Variants in MPPED1 observed in about 807,000 individuals in gnomAD.
MPPED1 encodes metallophosphoesterase domain-containing protein 1.
MPPED1 carries 16 observed loss-of-function variants against 36.2 expected under a neutral mutation model. That is an observed-to-expected ratio of 0.44 (90% CI 0.30 to 0.67). MPPED1 has a LOEUF of 0.67. MPPED1 is among the 30% of genes least tolerant of loss of function. The pLI is 0.10. For missense variants in MPPED1, 307 were observed against 453.4 expected (o/e 0.68, Z 2.93); for synonymous variants, 199 against 191.3 (o/e 1.04, Z -0.33).
chr22:43,495,230 G>GTGGAGGTGGTGGTGGTGA (rs1173793487), intron 4 of MPPED1, among the ~76,000 whole-genome samples: 1 of 149,590 alleles, frequency 6.7e-6, no homozygotes, highest in Non-Finnish European at 1.5e-5. Flanking sequence ...GGTGGTGGTG[G>GTGGAGGTGGTGGTGGTGA]TGGAGGTGGT....
intron 1 of MPPED1, among the ~76,000 whole-genome samples, chr22:43,423,273 G>A (rs553848662): frequency 9.9e-5 from 15 of 152,182 alleles, no homozygotes; most frequent in East Asian, 1.9e-4. Context: ...AGTATGCGGC[G>A]TCCTGAAACT....
intron 3 of MPPED1, among the ~76,000 whole-genome samples, chr22:43,439,869 C>T (rs1048755072): frequency 2.0e-5 from 3 of 152,230 alleles, no homozygotes; most frequent in Non-Finnish European, 2.9e-5. Context: ...CCGGGGCCCA[C>T]GCTCCACTCA....
At chr22:43,424,771 T>C in intron 1 of MPPED1, 137 bp from the exon 2 acceptor site, 1 of 1,182,834 alleles carries the variant, frequency 8.5e-7, no homozygotes, top group Non-Finnish European at 1.1e-6. Context: ...AGATTTGTAA[T>C]GAGTTTTTGA....
At chr22:43,468,938 C>A (rs1419073648) in intron 3 of MPPED1, among the ~76,000 whole-genome samples, 2 of 152,256 alleles carry the variant, frequency 1.3e-5, no homozygotes, top group African/African-American at 4.8e-5. Flanking sequence ...TGAGACTTAC[C>A]AAGGCAAGCA....
chr22:43,422,022 G>C (rs1009429045), intron 1 of MPPED1, among the ~76,000 whole-genome samples: 6 of 152,158 alleles, frequency 3.9e-5, no homozygotes, highest in African/African-American at 1.4e-4. Context: ...CTGACACATG[G>C]GGTGCACAAG....
intron 3 of MPPED1, among the ~76,000 whole-genome samples, chr22:43,458,643 T>C (rs1390577057): frequency 6.6e-6 from 1 of 152,352 alleles, no homozygotes; most frequent in South Asian, 2.1e-4. Flanking sequence ...TATTTCTTCA[T>C]ATGGATTTCA....
chr22:43,447,326 T>G (rs748116835), intron 3 of MPPED1, among the ~76,000 whole-genome samples: 1 of 152,166 alleles, frequency 6.6e-6, no homozygotes, highest in Non-Finnish European at 1.5e-5. Flanking sequence ...AACAAGCCTG[T>G]AGATTTTTTA....
chr22:43,429,391 G>A (rs770757355), intron 2 of MPPED1, among the ~76,000 whole-genome samples: 6 of 152,242 alleles, frequency 3.9e-5, no homozygotes, highest in African/African-American at 1.4e-4. Flanking sequence ...CTCTCATCCT[G>A]TCCTGCTGGG....
intron 3 of MPPED1, among the ~76,000 whole-genome samples, chr22:43,444,995 A>G (rs1299148877): frequency 6.6e-6 from 1 of 152,158 alleles, no homozygotes; most frequent in Non-Finnish European, 1.5e-5. Context: ...GAATTCCAGT[A>G]CCCAGTGCTA....
chr22:43,481,197 T>C (rs1931738002), intron 4 of MPPED1, among the ~76,000 whole-genome samples: 1 of 152,176 alleles, frequency 6.6e-6, no homozygotes, highest in Non-Finnish European at 1.5e-5. Flanking sequence ...CTGGAAATGA[T>C]TGTGTTGATG....
At chr22:43,452,591 A>T (rs1416014135) in intron 3 of MPPED1, among the ~76,000 whole-genome samples, 2 of 152,142 alleles carry the variant, frequency 1.3e-5, no homozygotes, top group African/African-American at 4.8e-5. Flanking sequence ...TAACATTCAA[A>T]ATGTTTATTT....
chr22:43,442,831 C>T (rs1369382526), intron 3 of MPPED1, among the ~76,000 whole-genome samples: 2 of 152,184 alleles, frequency 1.3e-5, no homozygotes, highest in African/African-American at 4.8e-5. Context: ...ACTTAGGGCC[C>T]TGCCGGTTCA....
chr22:43,412,024 T>A lies in MPPED1; in HGVS notation c.-213T>A. The A allele has an allele frequency of 1.0e-6, 1 of 977,652 alleles. No homozygotes were observed. The highest frequency in any genetic ancestry group is 1.2e-6 in the Non-Finnish European group (1 of 827,094). The allele number at this position is 977,652 out of a possible 1,614,324, so 60.6% of individuals were successfully genotyped here. On this transcript the variant is annotated 5_prime_UTR_variant, in exon 1 of 7. Coordinates refer to ENST00000443721, the MANE Select transcript of MPPED1 (RefSeq NM_001044370.2). ...AGGAGTCTGGCTCCCACTTGCAGCC[T>A]CGGACGCGCGGCGAGGCGGCCGCCG... is the stretch of plus-strand genomic sequence containing the variant.
chr22:43,442,095 G>A (rs568848572), intron 3 of MPPED1, among the ~76,000 whole-genome samples: 13 of 151,834 alleles, frequency 8.6e-5, no homozygotes, highest in Non-Finnish European at 1.9e-4. Flanking sequence ...GCTGGTGGTT[G>A]ACCCCCCTCC....
chr22:43,483,068 G>C (rs1166921089), intron 4 of MPPED1, among the ~76,000 whole-genome samples: 1 of 152,256 alleles, frequency 6.6e-6, no homozygotes, highest in Admixed American at 6.5e-5. Context: ...CAGCAGGGAA[G>C]TGTCTTGTGT....
rs939442500 is a variant in MPPED1, at chr22:43,421,496, A to G, written c.-78-3412A>G. ...TAGCGCCTGCTCCTCTGGGGCAAAG[A>G]CGGGTGGGGGCCCCTGGAACCCCTT... On this transcript the variant is annotated intron_variant, in intron 1 of 6. Transcript: ENST00000443721. Among the ~76,000 whole-genome samples, 7 of 152,310 alleles carry G rather than the reference A, an allele frequency of 4.6e-5. No homozygotes were observed. The East Asian group carries it at 1.4e-3, about 29-fold the overall frequency.
At chr22:43,498,130 C>A (rs557131135) in intron 4 of MPPED1, 105 bp from the exon 5 acceptor site, 3 of 802,240 alleles carry the variant, frequency 3.7e-6, no homozygotes, top group Non-Finnish European at 5.8e-6. Context: ...CTCCAGGTAG[C>A]GAGCTGGTCC....
chr22:43,499,278 GGGGTGGT>G, intron 5 of MPPED1, among the ~76,000 whole-genome samples: 1 of 145,804 alleles, frequency 6.9e-6, no homozygotes, highest in East Asian at 2.1e-4. Flanking sequence ...GATGGTGATG[GGGGTGGT>G]GATGGATGTG....
chr22:43,426,625 G>A (rs916924928), intron 2 of MPPED1, among the ~76,000 whole-genome samples: 4 of 152,140 alleles, frequency 2.6e-5, no homozygotes, highest in South Asian at 4.1e-4. Flanking sequence ...GTGTGAGGGC[G>A]CGACCTCCCG....
Sources: gnomAD v4.1 joint callset for allele counts (sites outside exome capture counted in the v4.1 genomes callset) on GRCh38, gnomAD v4.1.1 for gene constraint, MANE v1.5 for transcripts, NCBI Gene and HGNC (gene_info 2026-07-23, HGNC 2026-07-21) for gene names.